Variants in PRPSAP2 observed in about 807,000 individuals in gnomAD.
PRPSAP2 encodes phosphoribosyl pyrophosphate synthetase associated protein 2, also known as phosphoribosyl pyrophosphate synthase-associated protein 2.
A neutral mutation model predicts 40.6 loss-of-function variants in PRPSAP2; 24 were observed. The observed-to-expected ratio is 0.59, with a 90% CI of 0.43 to 0.83. PRPSAP2 has a LOEUF of 0.83. Among genes scored for constraint, PRPSAP2 ranks in the 40% least tolerant of loss-of-function variants. The pLI is 0.00. For missense variants in PRPSAP2, 292 were observed against 465.6 expected, an observed-to-expected ratio of 0.63 and a Z score of 3.43; for synonymous variants, 149 against 164.7, an observed-to-expected ratio of 0.90 and a Z score of 0.73.
chr17:18,888,725 C>T (rs2039334755), intron 7 of PRPSAP2, among the ~76,000 whole-genome samples: 1 of 63,988 alleles, frequency 1.6e-5, no homozygotes. Flanking sequence ...ACCTCCCTCC[C>T]GGACGGGGCG....
chr17:18,897,449 AGTG>A (rs1000127493), intron 8 of PRPSAP2, among the ~76,000 whole-genome samples: 19 of 137,876 alleles, frequency 1.4e-4, no homozygotes, highest in Non-Finnish European at 2.4e-4. Context: ...GCTTCTCTAT[AGTG>A]GTGTTGTTGT....
At chr17:18,871,832 G>C (rs1033568308) in intron 4 of PRPSAP2, among the ~76,000 whole-genome samples, 3 of 151,888 alleles carry the variant, frequency 2.0e-5, no homozygotes, top group Admixed American at 2.0e-4. Flanking sequence ...GGCTAATTTT[G>C]TATTTTTAGT....
chr17:18,929,358 AAATAAT>A (rs60559123), intron 11 of PRPSAP2, among the ~76,000 whole-genome samples: 163 of 144,774 alleles, frequency 1.1e-3, no homozygotes, highest in East Asian at 2.6e-3. Context: ...CTCTTGTCTC[AAATAAT>A]AATAATAATA....
chr17:18,919,101 C>T (rs1171040443), intron 9 of PRPSAP2, among the ~76,000 whole-genome samples: 1 of 152,076 alleles, frequency 6.6e-6, no homozygotes, highest in Non-Finnish European at 1.5e-5. Context: ...TACTTTGGCG[C>T]ACTCCTTTAA....
intron 8 of PRPSAP2, among the ~76,000 whole-genome samples, chr17:18,905,835 G>A (rs1391895443): frequency 6.6e-6 from 1 of 152,030 alleles, no homozygotes; most frequent in Non-Finnish European, 1.5e-5. Flanking sequence ...TGCCCGCCTC[G>A]GCCTCCCAAA....
chr17:18,870,652 TAAAG>T (rs1489422458), intron 4 of PRPSAP2, among the ~76,000 whole-genome samples: 3 of 151,738 alleles, frequency 2.0e-5, no homozygotes, highest in Admixed American at 6.6e-5. Flanking sequence ...TTACCAAAGA[TAAAG>T]AAATTAGCCA....
At chr17:18,926,803 T>TG in intron 10 of PRPSAP2, among the ~76,000 whole-genome samples, 6 of 149,568 alleles carry the variant, frequency 4.0e-5, no homozygotes, top group African/African-American at 1.2e-4. Context: ...TGTGTGTGTG[T>TG]TTGTGTTTGT....
At chr17:18,887,436 C>A (rs183877029) in intron 7 of PRPSAP2, among the ~76,000 whole-genome samples, 1 of 152,042 alleles carries the variant, frequency 6.6e-6, no homozygotes, top group Non-Finnish European at 1.5e-5. Context: ...GGGGGTTTCA[C>A]CATGCTGGCC....
At chr17:18,924,033 C>A in intron 10 of PRPSAP2, 49 bp downstream of exon 10, 1 of 1,524,324 alleles carries the variant, frequency 6.6e-7, no homozygotes, top group Non-Finnish European at 9.1e-7. Context: ...CATTGTTATT[C>A]TGTTGATTGA....
chr17:18,896,075 T>G (rs923692938), intron 8 of PRPSAP2, among the ~76,000 whole-genome samples: 3 of 152,176 alleles, frequency 2.0e-5, no homozygotes, highest in South Asian at 4.1e-4. Flanking sequence ...CCGGCCCATA[T>G]TTTCCTTTTT....
chr17:18,886,154 C>T (rs1007328151), intron 7 of PRPSAP2, among the ~76,000 whole-genome samples: 26 of 152,152 alleles, frequency 1.7e-4, no homozygotes, highest in African/African-American at 6.3e-4. Context: ...CATTATTTTA[C>T]GTCACCAAGA....
chr17:18,868,478 CA>C (rs749136457), intron 4 of PRPSAP2, among the ~76,000 whole-genome samples: 82 of 145,516 alleles, frequency 5.6e-4, no homozygotes, highest in Admixed American at 1.3e-3. Flanking sequence ...GACTTTGTCT[CA>C]GGGGAAAAAA....
intron 8 of PRPSAP2, 70 bp downstream of exon 8, chr17:18,889,947 A>C: frequency 7.2e-7 from 1 of 1,387,098 alleles, no homozygotes; most frequent in Non-Finnish European, 9.9e-7. Context: ...AGTTCCAGGC[A>C]TTCTAATTTG....
At chr17:18,887,169 A>G (rs911834830) in intron 7 of PRPSAP2, among the ~76,000 whole-genome samples, 2 of 151,068 alleles carry the variant, frequency 1.3e-5, no homozygotes, top group African/African-American at 4.9e-5. Flanking sequence ...TCCCAAACTC[A>G]GGTTATCCAC....
intron 4 of PRPSAP2, among the ~76,000 whole-genome samples, chr17:18,870,943 ACCC>A (rs1055800034): frequency 4.0e-5 from 6 of 151,286 alleles, no homozygotes; most frequent in Admixed American, 4.0e-4. Flanking sequence ...GAGACACCGC[ACCC>A]AGCCCAACAA....
In PRPSAP2 at chr17:18,912,651, C is replaced by T. The variant is rs142794424; in HGVS notation, c.733+1400C>T. Among the ~76,000 whole-genome samples, 44 of 152,296 alleles carry T rather than the reference C, an allele frequency of 2.9e-4. No homozygotes were observed. The East Asian group carries it at 8.3e-3, about 29-fold the overall frequency. On this transcript the variant is annotated intron_variant, in intron 9 of 11. Coordinates refer to ENST00000268835, the MANE Select transcript of PRPSAP2 (RefSeq NM_002767.4). ...GGGATTCACTCTGACGCACGTTTCT[C>T]TCCGGCTGTGAGCCTGTGAAATCAA... is the stretch of plus-strand genomic sequence containing the variant.
intron 8 of PRPSAP2, among the ~76,000 whole-genome samples, chr17:18,891,142 G>A (rs1443396585): frequency 6.6e-6 from 1 of 152,182 alleles, no homozygotes; most frequent in African/African-American, 2.4e-5. Context: ...GTTGAGTCCT[G>A]TGGAATGAAA....
chr17:18,874,969 G>A (rs1457011687), intron 5 of PRPSAP2, among the ~76,000 whole-genome samples: 1 of 152,208 alleles, frequency 6.6e-6, no homozygotes, highest in African/African-American at 2.4e-5. Flanking sequence ...GGTAGGCATT[G>A]AGGGCACCCC....
intron 7 of PRPSAP2, among the ~76,000 whole-genome samples, chr17:18,886,145 A>G (rs1030152024): frequency 1.3e-5 from 2 of 152,168 alleles, no homozygotes; most frequent in Non-Finnish European, 2.9e-5. Context: ...CCAGGCTTAC[A>G]TTATTTTACG....
Sources: allele counts gnomAD v4.1 joint callset (sites outside exome capture counted in the v4.1 genomes callset), GRCh38; gene constraint gnomAD v4.1.1; transcripts MANE v1.5; gene names NCBI Gene and HGNC (gene_info 2026-07-23, HGNC 2026-07-21).